Variants in TNKS observed in about 807,000 individuals in gnomAD.
TNKS encodes the protein tankyrase.
Under a neutral mutation model 135.8 loss-of-function variants are expected in TNKS, and 72 were observed. The ratio of observed to expected loss-of-function variants is 0.53; its 90% confidence interval spans 0.44 to 0.64. The LOEUF is 0.64. TNKS is among the 30% of genes least tolerant of loss of function. TNKS has a pLI of 0.00. For missense variants in TNKS, 1,769 were observed against 1,674.0 expected (o/e 1.06, Z -0.99); for synonymous variants, 849 against 649.3 (o/e 1.31, Z -4.68).
chr8:9,621,238 C>T (rs1166541728), intron 3 of TNKS, among the ~76,000 whole-genome samples: 1 of 151,750 alleles, frequency 6.6e-6, no homozygotes, highest in Non-Finnish European at 1.5e-5. Context: ...CATTCCAATT[C>T]TGGAAAGATG....
Position 9,731,018 on chromosome 8 carries a change from C to G in TNKS, c.2130C>G (p.Val710=). ...ACCTGCTACACCACGGTGCCGATGT[C>G]CATGCCAAAGACAAGGGGTACGTGT... ...VEYLLHHGAD[V]HAKDKGGLVP... is the part of the protein sequence containing the mutation. Residue 710 remains valine (V), a synonymous_variant, in exon 14 of 27, where the codon GTC becomes GTG. Transcript: ENST00000310430. 6.2e-7 allele frequency: 1 copy of G among 1,610,352 alleles called. No individual in the cohort carries two copies. Among genetic ancestry groups the G allele is most frequent in the Non-Finnish European group, 8.5e-7 (1 of 1,178,212 alleles).
intron 1 of TNKS, 142 bp downstream of exon 1, chr8:9,556,754 C>G: frequency 2.3e-6 from 2 of 864,618 alleles, no homozygotes; most frequent in Non-Finnish European, 3.4e-6. Flanking sequence ...ACTGGAGGTT[C>G]CTTTCTTTTG....
chr8:9,679,995 A>G lies in TNKS; in HGVS notation c.1031+8A>G. 1.9e-6 allele frequency: 3 copies of G among 1,607,756 alleles called. No homozygotes were observed. The highest frequency in any genetic ancestry group is 2.6e-6 in the Non-Finnish European group (3 of 1,174,252). On this transcript the variant is annotated splice_region_variant and intron_variant, in intron 4 of 26. Coordinates refer to ENST00000310430, the MANE Select transcript of TNKS (RefSeq NM_003747.3). ...ACTCCTAGAAGCTGCTAGGTAAGTG[A>G]TTCCATTCATTTTAAGTGTATATAA...
intron 20 of TNKS, among the ~76,000 whole-genome samples, chr8:9,754,346 T>C (rs1156444005): frequency 3.3e-5 from 5 of 152,210 alleles, no homozygotes; most frequent in Non-Finnish European, 7.3e-5. Flanking sequence ...TAAATCTGTT[T>C]TTTCAATTAT....
At chr8:9,719,688 G>T (rs1404068617) in intron 11 of TNKS, among the ~76,000 whole-genome samples, 2 of 152,150 alleles carry the variant, frequency 1.3e-5, no homozygotes, top group African/African-American at 2.4e-5. Context: ...AGTAGAGGGT[G>T]CTGATTGGGA....
intron 3 of TNKS, among the ~76,000 whole-genome samples, chr8:9,663,159 C>G (rs923831633): frequency 6.6e-6 from 1 of 152,140 alleles, no homozygotes; most frequent in Admixed American, 6.5e-5. Flanking sequence ...CTAGAGGCTC[C>G]GAAGGAACAC....
At chr8:9,713,308 G>C (rs1390784359) in intron 11 of TNKS, among the ~76,000 whole-genome samples, 1 of 152,080 alleles carries the variant, frequency 6.6e-6, no homozygotes, top group Non-Finnish European at 1.5e-5. Flanking sequence ...ACCCGTTTTT[G>C]CAAATATCTA....
intron 5 of TNKS, among the ~76,000 whole-genome samples, chr8:9,690,698 GTAAATAAA>G (rs111694196): frequency 1.3e-5 from 2 of 151,814 alleles, no homozygotes; most frequent in Non-Finnish European, 2.9e-5. Flanking sequence ...ATGTAAGTAA[GTAAATAAA>G]TAAATAAATA....
At chr8:9,769,303 C>G (rs1265561329) in intron 25 of TNKS, among the ~76,000 whole-genome samples, 1 of 152,176 alleles carries the variant, frequency 6.6e-6, no homozygotes, top group East Asian at 1.9e-4. Flanking sequence ...AGACTTTCTT[C>G]CCAGTCAGTC....
rs1031784991 is a variant in TNKS at position 9,763,128 on chromosome 8, T to C, written c.3275-19T>C. 1 of 1,484,178 alleles carries C rather than the reference T, an allele frequency of 6.7e-7. No individual in the cohort carries two copies. Among genetic ancestry groups the C allele is most frequent in the Admixed American group, 1.8e-5 (1 of 56,422 alleles). 91.9% of individuals were successfully genotyped at this position (1,484,178 alleles called of 1,614,324 possible). On this transcript the variant is annotated intron_variant, in intron 21 of 26. Transcript: ENST00000310430. ...TAGTGTAGACTTTTGTTTTATATGT[T>C]AATTTTTCTCTCCGACAGGCACCAA...
At chr8:9,685,923 T>A (rs1802977028) in intron 5 of TNKS, among the ~76,000 whole-genome samples, 1 of 152,208 alleles carries the variant, frequency 6.6e-6, no homozygotes. Context: ...TTCTCATTAT[T>A]CTTGATCAGT....
intron 3 of TNKS, among the ~76,000 whole-genome samples, chr8:9,673,652 A>T (rs1352366779): frequency 6.6e-6 from 1 of 151,736 alleles, no homozygotes; most frequent in East Asian, 1.9e-4. Context: ...CACCATCTTG[A>T]CCAGGCTGGT....
Position 9,628,186 on chromosome 8 carries a change from T to G in TNKS, c.994+12509T>G, listed in dbSNP as rs142469096. On this transcript the variant is annotated intron_variant, in intron 3 of 26. Coordinates refer to ENST00000310430, the MANE Select transcript of TNKS (RefSeq NM_003747.3). ...ATAAAATAAAAAAAAAAACATTCTT[T>G]TGTGTCAATTCTTACACCACTCTTT... 6.8e-4 allele frequency among the ~76,000 whole-genome samples: 104 copies of G among 152,330 alleles called. 1 individual carries two copies. Among genetic ancestry groups the G allele is most frequent in the African/African-American group, 2.2e-3 (90 of 41,574 alleles).
At position 9,779,159 on chromosome 8, in the gene TNKS, G is replaced by C. The variant is rs1808361452; in HGVS notation, c.*2423G>C. ...ATCTGCTTAAGAGAGTGGGTTAATG[G>C]ATATATCAGAGGAGCCAAATACATT... On this transcript the variant is annotated 3_prime_UTR_variant, in exon 27 of 27. Coordinates refer to ENST00000310430, the MANE Select transcript of TNKS (RefSeq NM_003747.3). 6.6e-6 allele frequency: 1 copy of C among 152,394 alleles called. No homozygotes were observed. Among genetic ancestry groups the C allele is most frequent in the South Asian group, 2.1e-4 (1 of 4,814 alleles). The allele number at this position is 152,394 out of a possible 1,614,324, so 9.4% of individuals were successfully genotyped here. A position where few individuals can be genotyped will look rare whatever the true frequency, so the allele number is the denominator to read the frequency against.
intron 3 of TNKS, among the ~76,000 whole-genome samples, chr8:9,638,545 T>C (rs1800603983): frequency 6.6e-6 from 1 of 152,346 alleles, no homozygotes; most frequent in African/African-American, 2.4e-5. Context: ...TAATCTTGAA[T>C]GACAGTTTAT....
In TNKS at chr8:9,778,182, T is replaced by G. The variant is rs1047049342; in HGVS notation, c.*1446T>G. 4 of 152,648 alleles carry G rather than the reference T, an allele frequency of 2.6e-5. No individual in the cohort carries two copies. The highest frequency in any genetic ancestry group is 5.9e-5 in the Non-Finnish European group (4 of 68,046). The allele number at this position is 152,648 out of a possible 1,614,324, so 9.5% of individuals were successfully genotyped here. A position where few individuals can be genotyped will look rare whatever the true frequency, so the allele number is the denominator to read the frequency against. ...TCCTTTATAGTTCTTACACTTGCCCTTTTCACCTTAACTGAATATGAATTG... is the reference window on the plus strand; with the variant it reads ...TCCTTTATAGTTCTTACACTTGCCCGTTTCACCTTAACTGAATATGAATTG... On this transcript the variant is annotated 3_prime_UTR_variant, in exon 27 of 27. Coordinates refer to ENST00000310430, the MANE Select transcript of TNKS (RefSeq NM_003747.3).
chr8:9,744,664 T>G (rs888674806), intron 17 of TNKS, among the ~76,000 whole-genome samples: 1 of 152,228 alleles, frequency 6.6e-6, no homozygotes, highest in Non-Finnish European at 1.5e-5. Context: ...TCTTATATAC[T>G]GTGTTGAATA....
intron 1 of TNKS, among the ~76,000 whole-genome samples, chr8:9,577,122 T>A (rs1282783315): frequency 7.3e-6 from 1 of 136,800 alleles, no homozygotes; most frequent in African/African-American, 2.9e-5. Context: ...TCATTTTTTT[T>A]TTTGCCTCTT....
At chr8:9,613,165 A>C (rs990228725) in intron 2 of TNKS, among the ~76,000 whole-genome samples, 2 of 152,242 alleles carry the variant, frequency 1.3e-5, no homozygotes, top group Non-Finnish European at 2.9e-5. Flanking sequence ...ACAGAGACCA[A>C]ATAGTCCGTA....
Sources: gnomAD v4.1 joint callset for allele counts (sites outside exome capture counted in the v4.1 genomes callset) on GRCh38, gnomAD v4.1.1 for gene constraint, MANE v1.5 for transcripts, NCBI Gene and HGNC (gene_info 2026-07-23, HGNC 2026-07-21) for gene names.